Variants in IMMT observed in about 807,000 individuals in gnomAD.
IMMT encodes inner membrane mitochondrial protein.
Under a neutral mutation model 92.7 loss-of-function variants are expected in IMMT, and 40 were observed. The observed-to-expected ratio is 0.43, with a 90% CI of 0.34 to 0.56. The LOEUF (loss-of-function observed/expected upper bound fraction) is 0.56. IMMT is among the 20% of genes least tolerant of loss of function. The pLI is 0.03. For synonymous variants in IMMT, 322 were observed against 336.1 expected (o/e 0.96, Z 0.46); for missense variants, 831 against 912.1 (o/e 0.91, Z 1.14).
chr2:86,151,292 C>T lies in IMMT; in HGVS notation c.1401+5G>A. ...ATGTTAGGCAACAATTCTCATTTCT[C>T]TTACCTTTCTGTCCTGTTCAGCCTG... On this transcript the variant is annotated splice_donor_5th_base_variant and intron_variant, in intron 12 of 14. Coordinates refer to ENST00000410111, the MANE Select transcript of IMMT (RefSeq NM_006839.3). 6.2e-7 allele frequency: 1 copy of T among 1,603,124 alleles called. No individual in the cohort carries two copies. The highest frequency in any genetic ancestry group is 8.5e-7 in the Non-Finnish European group (1 of 1,171,040).
intron 2 of IMMT, among the ~76,000 whole-genome samples, chr2:86,180,611 C>G (rs62150074): frequency 0.46 from 69,732 of 151,576 alleles, 16,583 homozygotes; most frequent in Non-Finnish European, 0.51. Context: ...TACCAGCCAG[C>G]CATGGTGGCT....
intron 12 of IMMT, among the ~76,000 whole-genome samples, chr2:86,148,670 C>CAT (rs1286624371): frequency 1.3e-5 from 2 of 152,050 alleles, no homozygotes; most frequent in East Asian, 3.8e-4. Context: ...ATAGACTTGA[C>CAT]ATAGACTTCT....
At chr2:86,148,177 T>C (rs1386400795) in intron 12 of IMMT, among the ~76,000 whole-genome samples, 1 of 152,136 alleles carries the variant, frequency 6.6e-6, no homozygotes, top group Non-Finnish European at 1.5e-5. Context: ...ATCCAGGATA[T>C]GAAAAAAAGT....
chr2:86,151,008 C>T (rs181812713), intron 12 of IMMT, among the ~76,000 whole-genome samples: 2 of 152,010 alleles, frequency 1.3e-5, no homozygotes, highest in Admixed American at 6.5e-5. Context: ...CCTCTGCCTC[C>T]CTGGTTCAAG....
chr2:86,173,064 G>A (rs1158659288), intron 4 of IMMT, among the ~76,000 whole-genome samples: 1 of 152,188 alleles, frequency 6.6e-6, no homozygotes, highest in Non-Finnish European at 1.5e-5. Context: ...GCACAGAAAA[G>A]ACAGTAAATT....
At chr2:86,189,803 A>C (rs1435078502) in intron 1 of IMMT, among the ~76,000 whole-genome samples, 1 of 152,238 alleles carries the variant, frequency 6.6e-6, no homozygotes, top group African/African-American at 2.4e-5. Context: ...GTTAATTTAA[A>C]ATAGTTTATA....
Position 86,148,095 on chromosome 2 carries a change from A to G in IMMT, c.1402-262T>C, listed in dbSNP as rs1005457368. 4.6e-5 allele frequency among the ~76,000 whole-genome samples: 7 copies of G among 152,254 alleles called. No individual in the cohort carries two copies. The South Asian group carries it at 1.0e-3, about 22-fold the overall frequency. The stretch of plus-strand genomic sequence containing the variant: ...TCACCCCCAAACTTGTGGTTTTTCC[A>G]CATCACCAGGCTGCCTCTCATATAA... On this transcript the variant is annotated intron_variant, in intron 12 of 14. Coordinates refer to ENST00000410111, the MANE Select transcript of IMMT (RefSeq NM_006839.3).
At chr2:86,152,730 C>T (rs1476581800) in intron 11 of IMMT, among the ~76,000 whole-genome samples, 8 of 151,132 alleles carry the variant, frequency 5.3e-5, no homozygotes, top group Non-Finnish European at 2.9e-5. Flanking sequence ...CACTGCACTC[C>T]AGCCTGGTGA....
chr2:86,161,101 A>AAG (rs1676239433), intron 8 of IMMT, among the ~76,000 whole-genome samples: 1 of 151,770 alleles, frequency 6.6e-6, no homozygotes, highest in African/African-American at 2.4e-5. Flanking sequence ...ATGAATTAAA[A>AAG]AAAAAAAAAA....
intron 1 of IMMT, among the ~76,000 whole-genome samples, chr2:86,191,537 T>C (rs1321513491): frequency 6.6e-6 from 1 of 151,518 alleles, no homozygotes; most frequent in Non-Finnish European, 1.5e-5. Context: ...CTGTCCTAGG[T>C]CTCCAGTCTG....
At chr2:86,182,666 A>G (rs1672508414) in intron 1 of IMMT, among the ~76,000 whole-genome samples, 1 of 152,146 alleles carries the variant, frequency 6.6e-6, no homozygotes, top group Non-Finnish European at 1.5e-5. Context: ...GCAACATGGC[A>G]AAACTCCATC....
At position 86,151,365 on chromosome 2, in the gene IMMT, A is replaced by G; in HGVS notation, c.1333T>C (p.Phe445Leu). The G allele has an allele frequency of 2.5e-6, 4 of 1,613,986 alleles. No individual in the cohort carries two copies. Among genetic ancestry groups the G allele is most frequent in the Non-Finnish European group, 3.4e-6 (4 of 1,179,884 alleles). The change falls in exon 12 of 15, where the codon TTT becomes CTT. Residue 445 changes from phenylalanine (F) to leucine (L), a missense_variant. By Grantham distance (22) the Phe-to-Leu change is conservative. Coordinates refer to ENST00000410111, the MANE Select transcript of IMMT (RefSeq NM_006839.3). ...AATGCTTTTGCTACTGCAGAGTCAA[A>G]TGCCCGCTTTTCTTCCAGCTTTTGT... ...EKQKLEEKRAFDSAVAKALEH... is the reference protein window; with the variant it reads ...EKQKLEEKRALDSAVAKALEH...
At chr2:86,167,484 GTTTTT>G (rs66768832) in intron 6 of IMMT, among the ~76,000 whole-genome samples, 1 of 123,164 alleles carries the variant, frequency 8.1e-6, no homozygotes, top group African/African-American at 3.3e-5. Context: ...TTTGTTTTTT[GTTTTT>G]TTTTTTTTTT....
chr2:86,189,528 A>G (rs1346759071), intron 1 of IMMT, among the ~76,000 whole-genome samples: 1 of 152,140 alleles, frequency 6.6e-6, no homozygotes, highest in Non-Finnish European at 1.5e-5. Flanking sequence ...AGCTCTACCA[A>G]ACTAAAGTGA....
chr2:86,169,092 G>A (rs1402977209), intron 6 of IMMT, among the ~76,000 whole-genome samples: 4 of 152,206 alleles, frequency 2.6e-5, no homozygotes, highest in East Asian at 1.9e-4. Context: ...AGTCAAGTTT[G>A]AGGGGGAATT....
intron 10 of IMMT, among the ~76,000 whole-genome samples, chr2:86,155,896 G>A (rs1675819099): frequency 6.6e-6 from 1 of 152,132 alleles, no homozygotes; most frequent in South Asian, 2.1e-4. Context: ...CCCTGAGGAG[G>A]AAAACTGTGA....
chr2:86,163,446 C>T (rs935022559), intron 7 of IMMT, among the ~76,000 whole-genome samples: 2 of 152,168 alleles, frequency 1.3e-5, no homozygotes, highest in Non-Finnish European at 2.9e-5. Context: ...GATCTGAAAA[C>T]ATCTGTGCTT....
Position 86,144,562 on chromosome 2 carries a change from G to C in IMMT, c.1983C>G (p.Ser661=). 1 of 1,614,040 alleles carries C rather than the reference G, an allele frequency of 6.2e-7. No homozygotes were observed. Among genetic ancestry groups the C allele is most frequent in the Non-Finnish European group, 8.5e-7 (1 of 1,179,896 alleles). ...GGAATAGGAGCAGGGACTGTAGGTA[G>C]GAGAGGAAGTACTGGTACAAGCTAT... The part of the protein sequence containing the change: ...TRNSLYQYFL[S]YLQSLLLFPP... Residue 661 remains serine, a synonymous_variant, in exon 15 of 15, where the codon TCC becomes TCG. Coordinates refer to ENST00000410111, the MANE Select transcript of IMMT (RefSeq NM_006839.3).
Position 86,171,238 on chromosome 2 carries a change from C to G in IMMT, c.529G>C (p.Gly177Arg). 3 of 1,601,502 alleles carry G rather than the reference C, an allele frequency of 1.9e-6. No individual in the cohort carries two copies. The highest frequency in any genetic ancestry group is 2.6e-6 in the Non-Finnish European group (3 of 1,173,252). Reference protein sequence around the residue: ...ESLKTDHPEIGEGKPTPALSE... With the variant: ...ESLKTDHPEIREGKPTPALSE... ...AGTGCAGGTGTGGGTTTTCCTTCACCAATTTCAGGGTGATCAGTTTTTAAA... is the reference window on the plus strand; with the variant it reads ...AGTGCAGGTGTGGGTTTTCCTTCACGAATTTCAGGGTGATCAGTTTTTAAA... The change falls in exon 5 of 15, where the codon GGT becomes CGT. Residue 177 changes from glycine (G) to arginine (R), a missense_variant. Coordinates refer to ENST00000410111, the MANE Select transcript of IMMT (RefSeq NM_006839.3).
Sources: allele counts gnomAD v4.1 joint callset (sites outside exome capture counted in the v4.1 genomes callset), GRCh38; gene constraint gnomAD v4.1.1; transcripts MANE v1.5; gene names NCBI Gene and HGNC (gene_info 2026-07-23, HGNC 2026-07-21).